LINGO1: variants seen among roughly 807,000 people sequenced by gnomAD.
LINGO1 encodes leucine-rich repeat and immunoglobulin-like domain-containing nogo receptor-interacting protein 1.
Under a neutral mutation model 37.3 loss-of-function variants are expected in LINGO1, and 11 were observed. The ratio of observed to expected loss-of-function variants is 0.29; its 90% CI spans 0.19 to 0.49. The LOEUF (loss-of-function observed/expected upper bound fraction) is 0.49. Ranked by LOEUF, LINGO1 falls within the 20% of genes least tolerant of loss-of-function variation. The pLI is 0.99. For synonymous variants in LINGO1, 387 were observed against 403.0 expected, an observed-to-expected ratio of 0.96 and a Z score of 0.48; for missense variants, 585 against 878.2, an observed-to-expected ratio of 0.67 and a Z score of 4.22.
At position 77,632,330 on chromosome 15, in the gene LINGO1, C is replaced by G. The variant is rs759567479; in HGVS notation, c.-15G>C. On this transcript the variant is annotated 5_prime_UTR_variant, in exon 1 of 2. Coordinates refer to ENST00000355300, the MANE Select transcript of LINGO1 (RefSeq NM_032808.7). This position sits in a 1 kb window ranked among gnomAD's most constrained non-coding sequence, Gnocchi z 6.0. ...CTCACCTGCATCTCGGGCGCGCCTT[C>G]GGTCCGCTCGGCTCGGTCACCAATC... is the stretch of plus-strand genomic sequence containing the variant. 1.3e-5 allele frequency: 19 copies of G among 1,436,936 alleles called. No individual in the cohort carries two copies. Among genetic ancestry groups the G allele is most frequent in the Non-Finnish European group, 4.6e-6 (5 of 1,095,258 alleles). The allele number at this position is 1,436,936 out of a possible 1,614,324, so 89.0% of individuals were successfully genotyped here. A position where few individuals can be genotyped will look rare whatever the true frequency, so the allele number is the denominator to read the frequency against.
intron 1 of LINGO1, among the ~76,000 whole-genome samples, chr15:77,796,410 C>T (rs1421457612): frequency 6.6e-6 from 1 of 152,234 alleles, no homozygotes; most frequent in Non-Finnish European, 1.5e-5. Context: ...CTATGCCTCT[C>T]CCACCATCCG....
At chr15:77,702,035 G>A (rs1305928989) in intron 2 of LINGO1, among the ~76,000 whole-genome samples, 2 of 152,172 alleles carry the variant, frequency 1.3e-5, no homozygotes, top group Non-Finnish European at 1.5e-5. Flanking sequence ...TGTCAGGGAG[G>A]CCCAAGAGAA....
At chr15:77,646,725 G>A (rs758680173) in intron 3 of LINGO1, among the ~76,000 whole-genome samples, 124 of 152,344 alleles carry the variant, frequency 8.1e-4, no homozygotes, top group Non-Finnish European at 3.1e-4. Flanking sequence ...CCCAGGAAGG[G>A]ATGGAGCTTT....
chr15:77,660,961 G>A (rs1463366870), intron 3 of LINGO1, among the ~76,000 whole-genome samples: 8 of 152,200 alleles, frequency 5.3e-5, no homozygotes, highest in Non-Finnish European at 1.5e-5. Context: ...TGGGGAGACA[G>A]GACAGGGTCA....
chr15:77,788,959 C>T (rs556404775), upstream of LINGO1, among the ~76,000 whole-genome samples: 5 of 152,300 alleles, frequency 3.3e-5, no homozygotes, highest in East Asian at 5.8e-4. Context: ...CAGGCTGAAA[C>T]TGGTCTCAGG....
At chr15:77,819,300 C>T (rs1322709460) in intron 1 of LINGO1, 1 of 150,688 alleles carries the variant, frequency 6.6e-6, no homozygotes, top group Non-Finnish European at 1.5e-5. Flanking sequence ...GCGCGCGGCT[C>T]CGCTCCGGGC....
intron 1 of LINGO1, among the ~76,000 whole-genome samples, chr15:77,620,524 C>T (rs534091704): frequency 2.1e-4 from 32 of 152,388 alleles, no homozygotes; most frequent in African/African-American, 6.7e-4. Flanking sequence ...CCCTGACACA[C>T]GCAGTTCTCT....
At chr15:77,776,488 AGCAGGAAGGCAGGAAG>A (rs1204753224) in intron 1 of LINGO1, among the ~76,000 whole-genome samples, 111 of 90,660 alleles carry the variant, frequency 1.2e-3, no homozygotes, top group East Asian at 8.9e-3. Flanking sequence ...AAGGCAGGAA[AGCAGGAAGGCAGGAAG>A]GCAGGAAGGC....
intron 2 of LINGO1, among the ~76,000 whole-genome samples, chr15:77,720,994 A>C (rs982152011): frequency 2.6e-5 from 4 of 152,016 alleles, no homozygotes; most frequent in African/African-American, 9.7e-5. Flanking sequence ...ATACAGGGGA[A>C]CAACAGAGAG....
intron 1 of LINGO1, among the ~76,000 whole-genome samples, chr15:77,626,108 A>G (rs1187434551): frequency 6.6e-6 from 1 of 152,104 alleles, no homozygotes; most frequent in Non-Finnish European, 1.5e-5. Context: ...AGATGAGGAA[A>G]CTGAGGCCCA....
At chr15:77,661,717 C>T (rs2074997788) in intron 3 of LINGO1, among the ~76,000 whole-genome samples, 1 of 152,260 alleles carries the variant, frequency 6.6e-6, no homozygotes, top group Non-Finnish European at 1.5e-5. Flanking sequence ...CTGATCGCCC[C>T]ACCCTCTGCT....
At chr15:77,816,353 G>A (rs1017688031) in intron 1 of LINGO1, among the ~76,000 whole-genome samples, 1 of 152,160 alleles carries the variant, frequency 6.6e-6, no homozygotes, top group Admixed American at 6.5e-5. Context: ...CTGGGAACAG[G>A]GGTCTGGGCC....
At chr15:77,755,551 T>G (rs2076411073) in intron 1 of LINGO1, among the ~76,000 whole-genome samples, 1 of 152,226 alleles carries the variant, frequency 6.6e-6, no homozygotes, top group Non-Finnish European at 1.5e-5. Context: ...TGGGATAATG[T>G]GTGTAGGGTG....
At chr15:77,708,559 G>A (rs1567538296) in intron 2 of LINGO1, among the ~76,000 whole-genome samples, 1 of 152,192 alleles carries the variant, frequency 6.6e-6, no homozygotes, top group Non-Finnish European at 1.5e-5. Context: ...GTTACAAGGA[G>A]GTCATACTGG....
chr15:77,653,968 C>T (rs1356850470), intron 3 of LINGO1, among the ~76,000 whole-genome samples: 1 of 152,236 alleles, frequency 6.6e-6, no homozygotes, highest in Non-Finnish European at 1.5e-5. Flanking sequence ...TTTTCTTCCT[C>T]TTAGGCACTT....
intron 3 of LINGO1, among the ~76,000 whole-genome samples, chr15:77,652,483 A>AGTGTGTGTGTGT (rs773433884): frequency 0.056 from 7,273 of 128,804 alleles, 240 homozygotes; most frequent in Non-Finnish European, 0.064. Context: ...GGGGAGGGAG[A>AGTGTGTGTGTGT]GTGTGTGTGT....
chr15:77,648,275 A>G, intron 3 of LINGO1: 2 of 199,984 alleles, frequency 1.0e-5, no homozygotes, highest in Non-Finnish European at 2.0e-5. Flanking sequence ...TGAACCTGTG[A>G]GGCAGATCCA....
intron 2 of LINGO1, among the ~76,000 whole-genome samples, chr15:77,683,143 G>A (rs185136025): frequency 1.3e-5 from 2 of 152,216 alleles, no homozygotes; most frequent in Non-Finnish European, 2.9e-5. Flanking sequence ...GCTCAGCCTC[G>A]CTGGGGAGAA....
Position 77,614,935 on chromosome 15 carries a change from G to A in LINGO1, c.972C>T (p.Ala324=), listed in dbSNP as rs550891976. Residue 324 remains alanine (A), a synonymous_variant, in exon 2 of 2, where the codon GCC becomes GCT. Transcript: ENST00000355300. ...CGCGGAAGGCATAGGGCTCCACCAC[G>A]GCCAGCTGCCCGCCCACCAGCTGGA... ...QEIQLVGGQL[A]VVEPYAFRGL... 32 of 1,613,822 alleles carry A rather than the reference G, an allele frequency of 2.0e-5. No homozygotes were observed. The highest frequency in any genetic ancestry group is 1.6e-4 in the Middle Eastern group (1 of 6,080).
Sources: gnomAD v4.1 joint callset for allele counts (sites outside exome capture counted in the v4.1 genomes callset) on GRCh38, gnomAD v4.1.1 for gene constraint, Gnocchi (gnomAD v3.1) non-coding constraint, MANE v1.5 for transcripts, NCBI Gene and HGNC (gene_info 2026-07-23, HGNC 2026-07-21) for gene names.